Variants in PLCG2 observed in about 807,000 individuals in gnomAD.
PLCG2 encodes the protein phospholipase C gamma 2.
A neutral mutation model predicts 175.6 loss-of-function variants in PLCG2; 69 were observed. The observed-to-expected ratio is 0.39, with a 90% CI of 0.32 to 0.48. PLCG2 has a LOEUF of 0.48. Ranked by LOEUF, PLCG2 falls within the 20% of genes least tolerant of loss-of-function variation. The pLI, the probability that PLCG2 is intolerant of heterozygous loss-of-function variation, is 0.91. For synonymous variants in PLCG2, 827 were observed against 624.0 expected, an observed-to-expected ratio of 1.33 and a Z score of -4.85; for missense variants, 1,798 against 1,650.9, an observed-to-expected ratio of 1.09 and a Z score of -1.54.
In PLCG2 at chr16:81,771,591, T is replaced by C. The variant is rs533679246; in HGVS notation, c.-47-14352T>C. Among the ~76,000 whole-genome samples, 5 of 152,240 alleles carry C rather than the reference T, an allele frequency of 3.3e-5. No homozygotes were observed. The East Asian group carries it at 9.7e-4, about 29-fold the overall frequency. Reference sequence around the variant, plus strand: ...TTGCCATTCTGTGATAGTAAATGCCTCTTCCTGCTGTCTCCCCATTGAGAG... The same window carrying C: ...TTGCCATTCTGTGATAGTAAATGCCCCTTCCTGCTGTCTCCCCATTGAGAG... On this transcript the variant is annotated intron_variant, in intron 2 of 5. Coordinates refer to the PLCG2 transcript ENST00000565054.
At chr16:81,846,677 A>G (rs139603366) in intron 2 of PLCG2, among the ~76,000 whole-genome samples, 50 of 152,364 alleles carry the variant, frequency 3.3e-4, no homozygotes, top group Middle Eastern at 6.8e-3. Context: ...GGAAGACTCA[A>G]TATTTTCAAG....
chr16:81,927,205 C>T lies in PLCG2; in HGVS notation c.2514+27C>T, dbSNP rs772204566. The T allele has an allele frequency of 2.0e-6, 3 of 1,482,054 alleles. No homozygotes were observed. The East Asian group carries it at 6.8e-5, about 33-fold the overall frequency. The allele number at this position is 1,482,054 out of a possible 1,614,324, so 91.8% of individuals were successfully genotyped here. ...TGAGTCCCCCTCTTCGATCCTCTTA[C>T]AGGAAGAAGGGATCTGCAGGTCCAG... On this transcript the variant is annotated intron_variant, in intron 23 of 32. Coordinates refer to ENST00000564138, the MANE Select transcript of PLCG2 (RefSeq NM_002661.5).
chr16:81,941,275 A>G (rs4889445), intron 30 of PLCG2, among the ~76,000 whole-genome samples: 43,996 of 152,068 alleles, frequency 0.29, 7,052 homozygotes, highest in African/African-American at 0.45. Context: ...TCCTGTAATC[A>G]TAATCCCAGC....
upstream of PLCG2, among the ~76,000 whole-genome samples, chr16:81,776,401 G>A (rs549545852): frequency 4.4e-4 from 66 of 149,632 alleles, no homozygotes; most frequent in Admixed American, 2.5e-3. Context: ...GAGCCACCGC[G>A]CCCGGCTCAG....
intron 1 of PLCG2, chr16:81,739,485 T>A (rs1909535797): frequency 6.6e-6 from 1 of 152,144 alleles, no homozygotes; most frequent in African/African-American, 2.4e-5. Flanking sequence ...CCCAGTATTT[T>A]CCAGACAGAG....
intron 2 of PLCG2, among the ~76,000 whole-genome samples, chr16:81,758,864 G>A (rs1250874526): frequency 6.6e-6 from 1 of 152,138 alleles, no homozygotes; most frequent in Non-Finnish European, 1.5e-5. Flanking sequence ...TTTTAGTAGA[G>A]ACGGGGTTTC....
rs760446087 is a variant in PLCG2, at chr16:81,883,274, C to G, written c.698C>G (p.Thr233Ser). 1.2e-5 allele frequency: 19 copies of G among 1,614,016 alleles called. No individual in the cohort carries two copies. The highest frequency in any genetic ancestry group is 1.5e-5 in the Non-Finnish European group (18 of 1,179,952). Residue 233 changes from threonine to serine, a missense_variant, in exon 9 of 33, where the codon ACT becomes AGT. By Grantham distance (58) the Thr-to-Ser change is moderately conservative. Coordinates refer to ENST00000564138, the MANE Select transcript of PLCG2 (RefSeq NM_002661.5). The part of the protein sequence containing the change: ...KDSSVFILGN[T>S]DRPDASAVYL... ...CCCCCTTTCCCCGAGGATAGGAACACTGACAGGCCGGATGCCTCTGCTGTT... is the reference window on the plus strand; with the variant it reads ...CCCCCTTTCCCCGAGGATAGGAACAGTGACAGGCCGGATGCCTCTGCTGTT...
intron 2 of PLCG2, among the ~76,000 whole-genome samples, chr16:81,803,277 C>T (rs1403264977): frequency 6.6e-6 from 1 of 152,010 alleles, no homozygotes; most frequent in Non-Finnish European, 1.5e-5. Context: ...CACCACCACG[C>T]CTGTCTAATT....
intron 1 of PLCG2, among the ~76,000 whole-genome samples, chr16:81,750,539 T>C (rs1288736031): frequency 6.6e-6 from 1 of 152,064 alleles, no homozygotes; most frequent in Non-Finnish European, 1.5e-5. Flanking sequence ...GCAGCATCAT[T>C]CATAATAGCT....
At chr16:81,913,055 G>T (rs1448140249) in intron 19 of PLCG2, among the ~76,000 whole-genome samples, 6 of 152,224 alleles carry the variant, frequency 3.9e-5, no homozygotes, top group Admixed American at 3.3e-4. Flanking sequence ...CCACTAAGTG[G>T]TGGGGCTGGG....
At chr16:81,914,519 C>T (rs940512380) in intron 19 of PLCG2, among the ~76,000 whole-genome samples, 1 of 152,144 alleles carries the variant, frequency 6.6e-6, no homozygotes, top group African/African-American at 2.4e-5. Context: ...ACGCCCCATT[C>T]AGTTTGTGAG....
At chr16:81,782,768 A>G (rs562947795) in intron 1 of PLCG2, among the ~76,000 whole-genome samples, 52 of 152,366 alleles carry the variant, frequency 3.4e-4, no homozygotes, top group Non-Finnish European at 5.3e-4. Flanking sequence ...TTCTGTTAAA[A>G]TGGGGCACAG....
chr16:81,960,372 C>G lies in PLCG2; in HGVS notation c.*2374C>G. On this transcript the variant is annotated 3_prime_UTR_variant, in exon 33 of 33. Transcript: ENST00000564138. Reference sequence around the variant, plus strand: ...CAAGAAGACTAGTAACAGGCACATTCTGAAAGATGGAAGCAGCACTGATAG... The same window carrying G: ...CAAGAAGACTAGTAACAGGCACATTGTGAAAGATGGAAGCAGCACTGATAG... 2 of 219,582 alleles carry G rather than the reference C, an allele frequency of 9.1e-6. No homozygotes were observed. The highest frequency in any genetic ancestry group is 1.3e-4 in the East Asian group (2 of 14,820). 13.6% of individuals were successfully genotyped at this position (219,582 alleles called of 1,614,324 possible).
chr16:81,825,531 G>T (rs1905012028), intron 2 of PLCG2, among the ~76,000 whole-genome samples: 1 of 152,066 alleles, frequency 6.6e-6, no homozygotes, highest in Admixed American at 6.5e-5. Context: ...CTGACCTCAG[G>T]TGTTCCACCT....
intron 11 of PLCG2, 61 bp from the exon 12 acceptor site, chr16:81,893,648 G>C (rs1043066827): frequency 4.0e-6 from 4 of 994,528 alleles, no homozygotes; most frequent in South Asian, 2.5e-5. Flanking sequence ...TGAGGTGCAG[G>C]CTTGCCCCCC....
At chr16:81,853,358 A>G (rs1906518208) in intron 2 of PLCG2, among the ~76,000 whole-genome samples, 1 of 152,032 alleles carries the variant, frequency 6.6e-6, no homozygotes, top group Non-Finnish European at 1.5e-5. Context: ...CAACAAAAAA[A>G]AACCATTAGA....
chr16:81,894,187 A>G (rs11862261), intron 12 of PLCG2, among the ~76,000 whole-genome samples: 96,619 of 151,790 alleles, frequency 0.64, 30,919 homozygotes, highest in East Asian at 0.78. Flanking sequence ...CCAGCACTTC[A>G]GGAGGCTGAA....
intron 24 of PLCG2, among the ~76,000 whole-genome samples, chr16:81,930,443 T>C (rs1160059044): frequency 1.3e-5 from 2 of 152,196 alleles, no homozygotes; most frequent in Non-Finnish European, 2.9e-5. Context: ...CCCTTGTGTC[T>C]GCATCTGTTT....
intron 2 of PLCG2, among the ~76,000 whole-genome samples, chr16:81,793,085 AC>A (rs920840297): frequency 6.6e-6 from 1 of 152,176 alleles, no homozygotes; most frequent in Non-Finnish European, 1.5e-5. Flanking sequence ...CCTGGTGAGG[AC>A]CCCCAAGGCC....
Sources: gnomAD v4.1 joint callset for allele counts (sites outside exome capture counted in the v4.1 genomes callset) on GRCh38, gnomAD v4.1.1 for gene constraint, MANE v1.5 for transcripts, NCBI Gene and HGNC (gene_info 2026-07-23, HGNC 2026-07-21) for gene names.